Variants in ALOX15B observed in about 807,000 individuals in gnomAD.
The protein encoded by ALOX15B is polyunsaturated fatty acid lipoxygenase ALOX15B.
Under a neutral mutation model 73.8 loss-of-function variants are expected in ALOX15B, and 74 were observed. That is an observed-to-expected ratio of 1.00 (90% confidence interval 0.83 to 1.22). The LOEUF (loss-of-function observed/expected upper bound fraction) is 1.22. Ranked by LOEUF, ALOX15B falls within the 50% of genes most tolerant of loss-of-function variation. ALOX15B has a pLI of 0.00. For missense variants in ALOX15B, 896 were observed against 859.9 expected (o/e 1.04, Z -0.52); for synonymous variants, 353 against 357.2 (o/e 0.99, Z 0.13).
chr17:8,044,778 G>T (rs1420245907), intron 5 of ALOX15B, 51 bp from the exon 6 acceptor site: 71 of 1,032,532 alleles, frequency 6.9e-5, no homozygotes, highest in Middle Eastern at 3.5e-4. Context: ...CCCACCCCCT[G>T]CAAAGCACGC....
Position 8,047,823 on chromosome 17 carries a change from T to C in ALOX15B, c.1759T>C (p.Cys587Arg), listed in dbSNP as rs779073475. Reference protein sequence around the residue: ...PPPTSKGLATCEGFIATLPPV... With the variant: ...PPPTSKGLATREGFIATLPPV... ...ACCCACCTCCAAAGGCCTGGCAACATGCGAGGGCTTCATAGCCACCCTCCC... is the reference window on the plus strand; with the variant it reads ...ACCCACCTCCAAAGGCCTGGCAACACGCGAGGGCTTCATAGCCACCCTCCC... The change falls in exon 13 of 14, where the codon TGC (cysteine) becomes CGC (arginine). Residue 587 changes from cysteine to arginine, a missense_variant. Physicochemically the swap from Cys to Arg is radical, Grantham distance 180. Coordinates refer to ENST00000380183, the MANE Select transcript of ALOX15B (RefSeq NM_001141.3). 7 of 1,614,054 alleles carry C rather than the reference T, an allele frequency of 4.3e-6. No homozygotes were observed. The highest frequency in any genetic ancestry group is 1.6e-4 in the Middle Eastern group (1 of 6,084).
rs1300098125 is a variant in ALOX15B at position 8,041,490 on chromosome 17, A to C, written c.450-879A>C. On this transcript the variant is annotated intron_variant, in intron 3 of 13. Transcript: ENST00000380183. ...GCCTGGGAGCTTGTTAGAAATCAGAATCTGCATTTAACCAAGATCTCTATG... is the reference window on the plus strand; with the variant it reads ...GCCTGGGAGCTTGTTAGAAATCAGACTCTGCATTTAACCAAGATCTCTATG... Among the ~76,000 whole-genome samples, 6 of 152,342 alleles carry C rather than the reference A, an allele frequency of 3.9e-5. No individual in the cohort carries two copies. The East Asian group carries it at 1.2e-3, about 29-fold the overall frequency.
At chr17:8,040,620 AAAG>A (rs1976425077) in intron 3 of ALOX15B, among the ~76,000 whole-genome samples, 1 of 126,730 alleles carries the variant, frequency 7.9e-6, no homozygotes, top group Non-Finnish European at 1.8e-5. Flanking sequence ...AGAAAGAAAG[AAAG>A]AAAGAAAGAA....
chr17:8,047,157 TCACGTTGAGGA>T lies in ALOX15B; in HGVS notation c.1457+82_1458-90del, dbSNP rs1976632294. On this transcript the variant is annotated intron_variant, in intron 10 of 13. Coordinates refer to ENST00000380183, the MANE Select transcript of ALOX15B (RefSeq NM_001141.3). The stretch of plus-strand genomic sequence containing the variant: ...AAGGAGACTGAGGCCCCAGGGAGGC[TCACGTTGAGGA>T]GGAGGGCCAGACATTCATGATGCTA... 4 of 1,607,010 alleles carry T rather than the reference TCACGTTGAGGA, an allele frequency of 2.5e-6. No individual in the cohort carries two copies. In the Admixed American group the frequency reaches 6.7e-5, roughly 27 times the overall value.
intron 3 of ALOX15B, among the ~76,000 whole-genome samples, chr17:8,041,620 A>G (rs1567970139): frequency 6.6e-6 from 1 of 152,272 alleles, no homozygotes; most frequent in East Asian, 1.9e-4. Flanking sequence ...CCCAAAAGCA[A>G]GTTTTGAATG....
rs759226300 is a variant in ALOX15B, at chr17:8,045,295, A to C, written c.907A>C (p.Ile303Leu). The C allele has an allele frequency of 1.2e-6, 2 of 1,614,136 alleles. No individual in the cohort carries two copies. The highest frequency in any genetic ancestry group is 4.5e-5 in the East Asian group (2 of 44,884). Residue 303 changes from isoleucine (I) to leucine (L), a missense_variant, in exon 7 of 14, where the codon ATT (isoleucine) becomes CTT (leucine). By Grantham distance (5) the Ile-to-Leu change is conservative. Transcript: ENST00000380183. ...GILSGIQTNV[I>L]NGKPQFSAAP... ...CCTCTCTGGCATCCAGACCAATGTC[A>C]TTAATGGGAAGCCTCAGTTCTCTGC...
intron 5 of ALOX15B, among the ~76,000 whole-genome samples, chr17:8,044,408 C>T (rs1221727306): frequency 7.2e-6 from 1 of 138,100 alleles, no homozygotes; most frequent in Non-Finnish European, 1.5e-5. Flanking sequence ...GGCAACACAG[C>T]GACACAGCCT....
In ALOX15B at chr17:8,048,753, A is replaced by G. The variant is rs1046980963; in HGVS notation, c.*188A>G. On this transcript the variant is annotated 3_prime_UTR_variant, in exon 14 of 14. Transcript: ENST00000380183. Reference sequence around the variant, plus strand: ...AAACAGAAACAAAATCAAAACAGAGAAAGCAGAAAATCTACCAAGAACAGA... The same window carrying G: ...AAACAGAAACAAAATCAAAACAGAGGAAGCAGAAAATCTACCAAGAACAGA... 3 of 601,518 alleles carry G rather than the reference A, an allele frequency of 5.0e-6. No individual in the cohort carries two copies. Among genetic ancestry groups the G allele is most frequent in the Non-Finnish European group, 8.2e-6 (3 of 367,090 alleles). The allele number at this position is 601,518 out of a possible 1,614,324, so 37.3% of individuals were successfully genotyped here.
intron 2 of ALOX15B, 57 bp downstream of exon 2, chr17:8,039,662 G>A (rs1976381263): frequency 1.6e-6 from 2 of 1,234,774 alleles, no homozygotes; most frequent in South Asian, 1.4e-5. Flanking sequence ...GTAGGGGACT[G>A]GGGGTTGGGG....
chr17:8,048,206 T>C (rs1373148277), intron 13 of ALOX15B, among the ~76,000 whole-genome samples, 180 bp from the exon 14 acceptor site: 3 of 152,208 alleles, frequency 2.0e-5, no homozygotes, highest in African/African-American at 7.2e-5. Context: ...TTTACATGGA[T>C]ATCTGTTTAA....
rs1399324544 is a variant in ALOX15B at position 8,045,464 on chromosome 17, C to G, written c.997-19C>G. On this transcript the variant is annotated intron_variant, in intron 7 of 13. Transcript: ENST00000380183. ...GAAGACACTCATGGCTGCCTCTCTC[C>G]CCACCTGCCTCCCCCCAGCTCAGCC... 6.2e-7 allele frequency: 1 copy of G among 1,613,892 alleles called. No homozygotes were observed. Among genetic ancestry groups the G allele is most frequent in the East Asian group, 2.2e-5 (1 of 44,882 alleles).
At chr17:8,040,128 G>T in intron 3 of ALOX15B, 145 bp downstream of exon 3, 1 of 735,440 alleles carries the variant, frequency 1.4e-6, no homozygotes, top group Non-Finnish European at 2.2e-6. Context: ...CTACAGGAAC[G>T]TATTAGAAAT....
chr17:8,047,130 G>A, intron 10 of ALOX15B, 54 bp downstream of exon 10: 2 of 1,610,502 alleles, frequency 1.2e-6, no homozygotes, highest in Middle Eastern at 1.7e-4. Context: ...GGGAAGACAG[G>A]AAAGGAGACT....
At chr17:8,040,336 G>A (rs1323222847) in intron 3 of ALOX15B, among the ~76,000 whole-genome samples, 1 of 151,900 alleles carries the variant, frequency 6.6e-6, no homozygotes, top group East Asian at 1.9e-4. Flanking sequence ...CTGGAGGTCG[G>A]GAGTTCGAGA....
rs771993874 is a variant in ALOX15B, at chr17:8,039,947, G to A, written c.413G>A (p.Arg138His). 3.0e-5 allele frequency: 49 copies of A among 1,613,454 alleles called. No homozygotes were observed. The highest frequency in any genetic ancestry group is 6.7e-5 in the African/African-American group (5 of 74,806). ...CACCACCCTGTGCTCCAGCAACAGC[G>A]CCAGGAGGAGCTTCAGGCCCGGCAG... is the stretch of plus-strand genomic sequence containing the variant. Reference protein sequence around the residue: ...ADHHPVLQQQRQEELQARQEM... With the variant: ...ADHHPVLQQQHQEELQARQEM... Residue 138 changes from arginine to histidine, a missense_variant, in exon 3 of 14, where the codon CGC becomes CAC. Arg to His is a conservative substitution (Grantham distance 29). Coordinates refer to ENST00000380183, the MANE Select transcript of ALOX15B (RefSeq NM_001141.3).
chr17:8,046,524 G>A, intron 8 of ALOX15B, 144 bp from the exon 9 acceptor site: 1 of 789,606 alleles, frequency 1.3e-6, no homozygotes, highest in Non-Finnish European at 2.1e-6. Context: ...GAACTCCAGG[G>A]CTCAGACCCC....
chr17:8,043,842 G>A (rs1156922805), intron 5 of ALOX15B, among the ~76,000 whole-genome samples: 1 of 152,174 alleles, frequency 6.6e-6, no homozygotes. Flanking sequence ...GCCAAGGTAG[G>A]TAGATTGCAT....
intron 5 of ALOX15B, 104 bp downstream of exon 5, chr17:8,042,988 G>T: frequency 3.3e-6 from 3 of 900,378 alleles, no homozygotes; most frequent in Non-Finnish European, 5.2e-6. Context: ...ATGTAACCCT[G>T]ATCAGGTCCT....
chr17:8,046,608 A>T, intron 8 of ALOX15B, 60 bp from the exon 9 acceptor site: 1 of 1,530,906 alleles, frequency 6.5e-7, no homozygotes, highest in Non-Finnish European at 8.9e-7. Flanking sequence ...TGTGTGGGGG[A>T]AGGTCTGGGG....
Sources: gnomAD v4.1 joint callset for allele counts (sites outside exome capture counted in the v4.1 genomes callset) on GRCh38, gnomAD v4.1.1 for gene constraint, MANE v1.5 for transcripts, NCBI Gene and HGNC (gene_info 2026-07-23, HGNC 2026-07-21) for gene names.